The following ALB variants were observed in gnomAD, a reference collection of about 807,000 sequenced individuals.
ALB encodes the protein serum albumin.
A neutral mutation model predicts 74.5 loss-of-function variants in ALB; 37 were observed. The observed-to-expected ratio is 0.50, with a 90% CI of 0.38 to 0.65. The LOEUF is 0.65. Ranked by LOEUF, ALB falls within the 30% of genes least tolerant of loss-of-function variation. The probability of loss-of-function intolerance (pLI) is 0.00; values close to 1 mark genes in which losing one functional copy is unlikely to be tolerated. For missense variants in ALB, 685 were observed against 718.7 expected (o/e 0.95, Z 0.54); for synonymous variants, 249 against 251.6 (o/e 0.99, Z 0.10).
At chr4:73,413,037 C>T (rs770357556) in intron 7 of ALB, among the ~76,000 whole-genome samples, 8 of 152,048 alleles carry the variant, frequency 5.3e-5, no homozygotes, top group Non-Finnish European at 1.0e-4. Context: ...TGACTATGAT[C>T]TTGACTCATT....
chr4:73,419,909 G>A (rs1432015219), intron 13 of ALB, among the ~76,000 whole-genome samples: 13 of 152,134 alleles, frequency 8.5e-5, no homozygotes, highest in Non-Finnish European at 5.9e-5. Flanking sequence ...TGTAAGGCCT[G>A]AAATATTTTG....
At position 73,413,409 on chromosome 4, in the gene ALB, C is replaced by T. The variant is rs1179536059; in HGVS notation, c.844-11C>T. On this transcript the variant is annotated splice_polypyrimidine_tract_variant and intron_variant, in intron 7 of 14. Transcript: ENST00000295897. ...ATTCGTGTTGAACAATTTCCACCAACTTACTTATAGGCGGACCTTGCCAAG... is the reference window on the plus strand; with the variant it reads ...ATTCGTGTTGAACAATTTCCACCAATTTACTTATAGGCGGACCTTGCCAAG... 6.2e-7 allele frequency: 1 copy of T among 1,608,630 alleles called. No homozygotes were observed. The highest frequency in any genetic ancestry group is 8.5e-7 in the Non-Finnish European group (1 of 1,175,208).
intron 13 of ALB, 84 bp downstream of exon 13, chr4:73,419,723 A>C (rs750586626): frequency 4.0e-6 from 6 of 1,514,654 alleles, no homozygotes; most frequent in Non-Finnish European, 5.5e-6. Flanking sequence ...TTTATATATC[A>C]AAGGAGGCTT....
At chr4:73,420,130 G>T (rs552865037) in intron 13 of ALB, 124 bp from the exon 14 acceptor site, 1,048 of 843,356 alleles carry the variant, frequency 1.2e-3, no homozygotes, top group Non-Finnish European at 1.6e-3. Flanking sequence ...GTAGTAAATT[G>T]TAATTAAAGG....
chr4:73,410,916 A>G (rs891851396), intron 6 of ALB, among the ~76,000 whole-genome samples: 1 of 152,126 alleles, frequency 6.6e-6, no homozygotes, highest in Non-Finnish European at 1.5e-5. Context: ...TTTATGTCTT[A>G]TAGTTAAATT....
At chr4:73,419,393 G>C (rs953523319) in intron 12 of ALB, 114 bp from the exon 13 acceptor site, 2 of 1,235,674 alleles carry the variant, frequency 1.6e-6, no homozygotes, top group African/African-American at 3.1e-5. Context: ...GAGTTGCCTG[G>C]CTCCAAGATT....
In ALB at chr4:73,415,040, T is replaced by C. The variant is rs1179471291; in HGVS notation, c.1064T>C (p.Leu355Ser). 3 of 1,614,088 alleles carry C rather than the reference T, an allele frequency of 1.9e-6. No homozygotes were observed. Among genetic ancestry groups the C allele is most frequent in the Non-Finnish European group, 1.7e-6 (2 of 1,179,986 alleles). The change falls in exon 9 of 15, where the codon TTG becomes TCG. Residue 355 changes from leucine to serine, a missense_variant. By Grantham distance (145) the Leu-to-Ser change is moderately radical. Transcript: ENST00000295897. ...TTTATTTTCATCTTAATTAGGTTTTTGTATGAATATGCAAGAAGGCATCCT... is the reference window on the plus strand; with the variant it reads ...TTTATTTTCATCTTAATTAGGTTTTCGTATGAATATGCAAGAAGGCATCCT... ...EAKDVFLGMF[L>S]YEYARRHPDY...
Position 73,418,283 on chromosome 4 carries a change from GAGA to G in ALB, c.1627_1629del (p.Lys543del). On this transcript the variant is annotated inframe_deletion, in exon 12 of 15. Coordinates refer to ENST00000295897, the MANE Select transcript of ALB (RefSeq NM_000477.7). The stretch of plus-strand genomic sequence containing the variant: ...CCATGCAGATATATGCACACTTTCT[GAGA>G]AGGAGAGACAAATCAAGAAACAAAC... The G allele has an allele frequency of 2.5e-6, 4 of 1,613,842 alleles. No individual in the cohort carries two copies. The South Asian group carries it at 3.3e-5, about 13-fold the overall frequency.
At position 73,409,431 on chromosome 4, in the gene ALB, G is replaced by T. The variant is rs1369342096; in HGVS notation, c.559G>T (p.Ala187Ser). The change falls in exon 5 of 15, where the codon GCT becomes TCT. Residue 187 changes from alanine to serine, a missense_variant. By Grantham distance (99) the Ala-to-Ser change is moderately conservative. Coordinates refer to ENST00000295897, the MANE Select transcript of ALB (RefSeq NM_000477.7). ...ELLFFAKRYK[A>S]AFTECCQAAD... ...CCTTTTCTTTGCTAAAAGGTATAAA[G>T]CTGCTTTTACAGAATGTTGCCAAGC... 6.2e-7 allele frequency: 1 copy of T among 1,613,952 alleles called. No individual in the cohort carries two copies. The highest frequency in any genetic ancestry group is 8.5e-7 in the Non-Finnish European group (1 of 1,179,892).
At chr4:73,405,218 G>A (rs1718689719) in intron 2 of ALB, 45 bp downstream of exon 2, 1 of 1,478,994 alleles carries the variant, frequency 6.8e-7, no homozygotes. Context: ...TTCTAATAGT[G>A]TTGTTTATTA....
chr4:73,408,857 A>G (rs922710740), intron 4 of ALB, 52 bp downstream of exon 4: 8 of 1,440,160 alleles, frequency 5.6e-6, no homozygotes, highest in Non-Finnish European at 7.7e-6. Context: ...GAGTAACTCC[A>G]TAGGCCAACA....
At position 73,416,345 on chromosome 4, in the gene ALB, C is replaced by G. The variant is rs756750775; in HGVS notation, c.1281C>G (p.Phe427Leu). The change falls in exon 10 of 15, where the codon TTC (phenylalanine) becomes TTG (leucine). Residue 427 changes from phenylalanine to leucine, a missense_variant. Transcript: ENST00000295897. ...TTGAGCAGCTTGGAGAGTACAAATT[C>G]CAGAATGCGTAAGTAATTTTTATTG... ...ELFEQLGEYKFQNALLVRYTK... is the reference protein window; with the variant it reads ...ELFEQLGEYKLQNALLVRYTK... 12 of 1,612,294 alleles carry G rather than the reference C, an allele frequency of 7.4e-6. No individual in the cohort carries two copies. Among genetic ancestry groups the G allele is most frequent in the Non-Finnish European group, 1.0e-5 (12 of 1,178,912 alleles).
rs1719047858 is a variant in ALB, at chr4:73,417,640, G to T, written c.1399G>T (p.Ala467Ser). ...VGSKCCKHPE[A>S]KRMPCAEDYL... The stretch of plus-strand genomic sequence containing the variant: ...CAGCAAATGTTGTAAACATCCTGAA[G>T]CAAAAAGAATGCCCTGTGCAGAAGA... The change falls in exon 11 of 15, where the codon GCA becomes TCA. Residue 467 changes from alanine (A) to serine (S), a missense_variant. Coordinates refer to ENST00000295897, the MANE Select transcript of ALB (RefSeq NM_000477.7). The T allele has an allele frequency of 6.2e-7, 1 of 1,613,504 alleles. No homozygotes were observed. The highest frequency in any genetic ancestry group is 1.3e-5 in the African/African-American group (1 of 74,820).
intron 10 of ALB, among the ~76,000 whole-genome samples, chr4:73,417,245 G>T (rs1212154965): frequency 6.6e-6 from 1 of 152,052 alleles, no homozygotes; most frequent in Non-Finnish European, 1.5e-5. Flanking sequence ...CTCTCTCCAG[G>T]TTTTATTGAA....
intron 2 of ALB, among the ~76,000 whole-genome samples, chr4:73,406,162 C>T (rs903506767): frequency 1.3e-5 from 2 of 151,966 alleles, no homozygotes; most frequent in Non-Finnish European, 1.5e-5. Context: ...AGGAGGCTGA[C>T]GTAGGAGGAT....
At position 73,406,907 on chromosome 4, in the gene ALB, C is replaced by G. The variant is rs1033518390; in HGVS notation, c.270+146C>G. The G allele has an allele frequency of 1.3e-5, 12 of 898,338 alleles. No homozygotes were observed. The Admixed American group carries it at 2.1e-4, about 16-fold the overall frequency. The allele number at this position is 898,338 out of a possible 1,614,324, so 55.6% of individuals were successfully genotyped here. A position where few individuals can be genotyped will look rare whatever the true frequency, so the allele number is the denominator to read the frequency against. ...AAAAAGTTGCTCATAGACTGATAAG[C>G]CATTGTTTCTTTTGTGATAGAGATG... On this transcript the variant is annotated intron_variant, in intron 3 of 14. Transcript: ENST00000295897.
chr4:73,410,246 G>A (rs1718836830), intron 5 of ALB, 66 bp from the exon 6 acceptor site: 3 of 1,250,870 alleles, frequency 2.4e-6, no homozygotes, highest in Non-Finnish European at 2.4e-6. Flanking sequence ...TCTCATCTGA[G>A]CTTATGGAGG....
chr4:73,408,476 G>A (rs1214334242), intron 3 of ALB, 118 bp from the exon 4 acceptor site: 1 of 908,870 alleles, frequency 1.1e-6, no homozygotes, highest in African/African-American at 1.7e-5. Flanking sequence ...AGGGGAAGCG[G>A]ATTTTTAAAT....
chr4:73,420,889 CT>C (rs1404986065), intron 14 of ALB: 1 of 468,010 alleles, frequency 2.1e-6, no homozygotes, highest in Admixed American at 3.9e-5. Flanking sequence ...GACTTATCTT[CT>C]TATGACAACA....
Sources: gnomAD v4.1 joint callset for allele counts (sites outside exome capture counted in the v4.1 genomes callset) on GRCh38, gnomAD v4.1.1 for gene constraint, MANE v1.5 for transcripts, NCBI Gene and HGNC (gene_info 2026-07-23, HGNC 2026-07-21) for gene names.